Variants in IFNG-AS1 observed in about 807,000 individuals in gnomAD.
IFNG-AS1 encodes IFNG regulatory antisense RNA 1, also known as IFNG antisense RNA 1 (non-protein coding).
chr12:67,997,119 T>G (rs28455099), intron 2 of IFNG-AS1, among the ~76,000 whole-genome samples: 1 of 151,830 alleles, frequency 6.6e-6, no homozygotes, highest in Non-Finnish European at 1.5e-5. Context: ...TAAATAAACT[T>G]AAAAGGAAAT....
intron 2 of IFNG-AS1, chr12:68,005,963 G>A (rs935620981): frequency 1.3e-5 from 2 of 152,144 alleles, no homozygotes; most frequent in Non-Finnish European, 1.5e-5. Context: ...TGCAGATTAC[G>A]GGTTACTGAT....
intron 1 of IFNG-AS1, among the ~76,000 whole-genome samples, chr12:67,993,173 T>A (rs1879554950): frequency 6.6e-6 from 1 of 152,206 alleles, no homozygotes; most frequent in African/African-American, 2.4e-5. Flanking sequence ...TCTTTTTCTT[T>A]ATTTTTTAAT....
chr12:67,992,998 A>G (rs1005419771), intron 1 of IFNG-AS1, among the ~76,000 whole-genome samples: 1 of 152,218 alleles, frequency 6.6e-6, no homozygotes, highest in African/African-American at 2.4e-5. Flanking sequence ...TTGACTTAAG[A>G]AAATGAAGTA....
chr12:68,001,463 A>G, intron 2 of IFNG-AS1: 1 of 250,154 alleles, frequency 4.0e-6, no homozygotes, highest in Non-Finnish European at 8.1e-6. Flanking sequence ...ACCAGTTTTC[A>G]TCTGATTCCA....
chr12:68,012,703 C>G (rs1278432531), intron 3 of IFNG-AS1, among the ~76,000 whole-genome samples: 1 of 152,216 alleles, frequency 6.6e-6, no homozygotes, highest in Non-Finnish European at 1.5e-5. Flanking sequence ...CTAATTATAT[C>G]TATTACCATC....
intron 2 of IFNG-AS1, chr12:67,996,093 T>C (rs1879635617): frequency 6.6e-6 from 1 of 152,208 alleles, no homozygotes; most frequent in Admixed American, 6.5e-5. Context: ...CAATATTTAT[T>C]CATTAACTCC....
At chr12:68,007,678 C>T (rs1404667152) in intron 3 of IFNG-AS1, among the ~76,000 whole-genome samples, 2 of 152,156 alleles carry the variant, frequency 1.3e-5, no homozygotes, top group Non-Finnish European at 2.9e-5. Flanking sequence ...GTAATTGCCA[C>T]ATGTTATTTT....
intron 3 of IFNG-AS1, among the ~76,000 whole-genome samples, chr12:68,017,731 A>T (rs1339130966): frequency 6.6e-6 from 1 of 152,184 alleles, no homozygotes; most frequent in African/African-American, 2.4e-5. Context: ...AGAAGGCTCA[A>T]TCTAGAGAGG....
chr12:67,999,937 T>C (rs1354750558), intron 2 of IFNG-AS1, among the ~76,000 whole-genome samples: 1 of 152,198 alleles, frequency 6.6e-6, no homozygotes, highest in African/African-American at 2.4e-5. Context: ...GGACCCATGA[T>C]ATATGTACTG....
chr12:68,011,708 T>C (rs1880032396), intron 3 of IFNG-AS1, among the ~76,000 whole-genome samples: 1 of 152,078 alleles, frequency 6.6e-6, no homozygotes, highest in South Asian at 2.1e-4. Flanking sequence ...TGAGACCAAT[T>C]GGTCTCCACT....
At chr12:67,999,586 T>C (rs1879720405) in intron 2 of IFNG-AS1, among the ~76,000 whole-genome samples, 1 of 152,138 alleles carries the variant, frequency 6.6e-6, no homozygotes. Context: ...TAATGGAGTA[T>C]AGCATATAGA....
intron 3 of IFNG-AS1, among the ~76,000 whole-genome samples, chr12:68,008,207 G>C (rs1246287996): frequency 6.6e-6 from 1 of 152,092 alleles, no homozygotes; most frequent in African/African-American, 2.4e-5. Flanking sequence ...ATGAGGTCAG[G>C]AGATCGAGAC....
At chr12:68,006,429 T>C (rs976585866) in intron 3 of IFNG-AS1, among the ~76,000 whole-genome samples, 1 of 152,200 alleles carries the variant, frequency 6.6e-6, no homozygotes, top group Non-Finnish European at 1.5e-5. Flanking sequence ...ATGAGTCAAA[T>C]TCTAATGAAA....
At chr12:67,993,547 A>T (rs114055742) in intron 1 of IFNG-AS1, among the ~76,000 whole-genome samples, 1,732 of 152,354 alleles carry the variant, frequency 0.011, 38 homozygotes, top group African/African-American at 0.039. Flanking sequence ...CTATCTAGAT[A>T]AAAGAAATAT....
At chr12:67,996,500 CAAT>C (rs1879645055) in intron 2 of IFNG-AS1, among the ~76,000 whole-genome samples, 1 of 152,176 alleles carries the variant, frequency 6.6e-6, no homozygotes, top group Non-Finnish European at 1.5e-5. Flanking sequence ...CTATAAAGTA[CAAT>C]GAGTTCACAC....
chr12:68,007,086 G>GC (rs1879923127), intron 3 of IFNG-AS1, among the ~76,000 whole-genome samples: 2 of 152,228 alleles, frequency 1.3e-5, no homozygotes, highest in African/African-American at 4.8e-5. Flanking sequence ...TAAAGGCACA[G>GC]AGCCTAAAGC....
At chr12:68,002,437 A>G (rs1223165850) in intron 2 of IFNG-AS1, among the ~76,000 whole-genome samples, 1 of 151,604 alleles carries the variant, frequency 6.6e-6, no homozygotes, top group African/African-American at 2.4e-5. Context: ...CCTCCCCTCA[A>G]CTCCCACCTT....
chr12:67,993,012 G>A lies in IFNG-AS1; in HGVS notation n.52-2929G>A, dbSNP rs561390363. On this transcript the variant is annotated intron_variant and non_coding_transcript_variant, in intron 1 of 5. Coordinates refer to ENST00000536914, the Ensembl canonical transcript of IFNG-AS1. ...CTTGACTTAAGAAAATGAAGTAGCC[G>A]AAAATCTGAGAAATATGTCCTCTTG... Among the ~76,000 whole-genome samples, 24 of 152,244 alleles carry A rather than the reference G, an allele frequency of 1.6e-4. No homozygotes were observed. In the East Asian group the frequency reaches 1.9e-3, roughly 12 times the overall value.
rs747118151 is a variant in IFNG-AS1, at chr12:68,015,952, GA to G, written n.242-3902del. 7.2e-3 allele frequency among the ~76,000 whole-genome samples: 746 copies of G among 103,632 alleles called. 11 individuals are homozygous for G. Among genetic ancestry groups the G allele is most frequent in the African/African-American group, 0.025 (693 of 28,030 alleles). The allele number at this position is 103,632 out of a possible 152,430, so 68.0% of individuals were successfully genotyped here. ...ATCTGAAAACTAGAGACGGGGGGGG[GA>G]AAAAAAACCTTTCCCAGAAATTGAC... On this transcript the variant is annotated intron_variant and non_coding_transcript_variant, in intron 3 of 5. Transcript: ENST00000536914.
Sources: gnomAD v4.1 joint callset for allele counts (sites outside exome capture counted in the v4.1 genomes callset) on GRCh38, gnomAD v4.1.1 for gene constraint, MANE v1.5 for transcripts, NCBI Gene and HGNC (gene_info 2026-07-23, HGNC 2026-07-21) for gene names.